DHX34: variants seen among roughly 807,000 people sequenced by gnomAD.
DHX34 encodes DExH-box helicase 34.
A neutral mutation model predicts 111.1 loss-of-function variants in DHX34; 96 were observed. That is an observed-to-expected ratio of 0.86 (90% confidence interval 0.73 to 1.02). DHX34 has a LOEUF of 1.02. DHX34 is among the 50% of genes least tolerant of loss of function. The probability of loss-of-function intolerance (pLI) is 0.00; values close to 1 mark genes in which losing one functional copy is unlikely to be tolerated. For missense variants in DHX34, 1,560 were observed against 1,579.9 expected, an observed-to-expected ratio of 0.99 and a Z score of 0.21; for synonymous variants, 688 against 670.4, an observed-to-expected ratio of 1.03 and a Z score of -0.41.
chr19:47,377,798 G>C, intron 13 of DHX34, among the ~76,000 whole-genome samples: 1 of 152,096 alleles, frequency 6.6e-6, no homozygotes, highest in South Asian at 2.1e-4. Flanking sequence ...AGGGCTGGCA[G>C]CTGCCAGGAG....
Position 47,362,361 on chromosome 19 carries a change from C to T in DHX34, c.1376-115C>T, listed in dbSNP as rs1324750660. On this transcript the variant is annotated intron_variant, in intron 5 of 16. Coordinates refer to ENST00000328771, the MANE Select transcript of DHX34 (RefSeq NM_014681.6). Reference sequence around the variant, plus strand: ...GGGCCCAGAATAAGCCCTCAGTTAGCATTAACAGAATAAAGGAGTAAGTGA... The same window carrying T: ...GGGCCCAGAATAAGCCCTCAGTTAGTATTAACAGAATAAAGGAGTAAGTGA... The T allele has an allele frequency of 2.3e-6, 3 of 1,329,046 alleles. No homozygotes were observed. In the African/African-American group the frequency reaches 4.6e-5, roughly 21 times the overall value. 82.3% of individuals were successfully genotyped at this position (1,329,046 alleles called of 1,614,324 possible).
Position 47,353,223 on chromosome 19 carries a change from G to A in DHX34, c.193G>A (p.Glu65Lys). ...ATGTCAGAAGTTTTGGACCTTCTTT[G>A]AACGCCTGCAGAGATTCCAGAATCT... ...EECQKFWTFF[E>K]RLQRFQNLKT... is the part of the protein sequence containing the mutation. Residue 65 changes from glutamate (E) to lysine (K), a missense_variant, in exon 2 of 17, where the codon GAA becomes AAA. Physicochemically the swap from Glu to Lys is moderately conservative, Grantham distance 56. Coordinates refer to ENST00000328771, the MANE Select transcript of DHX34 (RefSeq NM_014681.6). This position sits in a 1 kb window ranked among gnomAD's most constrained non-coding sequence, Gnocchi z 4.6. The A allele has an allele frequency of 6.2e-7, 1 of 1,614,144 alleles. No homozygotes were observed. Among genetic ancestry groups the A allele is most frequent in the African/African-American group, 1.3e-5 (1 of 75,016 alleles).
chr19:47,356,414 G>A (rs774576019), intron 3 of DHX34, among the ~76,000 whole-genome samples: 3 of 151,938 alleles, frequency 2.0e-5, no homozygotes, highest in Non-Finnish European at 2.9e-5. Context: ...GAAAGATCAC[G>A]AGGTCAGGAG....
At chr19:47,354,056 G>T (rs547292376) in intron 2 of DHX34, among the ~76,000 whole-genome samples, 7 of 152,092 alleles carry the variant, frequency 4.6e-5, no homozygotes, top group African/African-American at 1.4e-4. Context: ...TCTGCCTCCC[G>T]GGTTCAAGCA....
chr19:47,379,559 G>A, intron 13 of DHX34, 151 bp from the exon 14 acceptor site: 1 of 1,460,502 alleles, frequency 6.8e-7, no homozygotes, highest in East Asian at 2.4e-5. Context: ...CACCCGAAGG[G>A]GTGCCTGGTA....
rs775872886 is a variant in DHX34 at position 47,381,285 on chromosome 19, G to A, written c.3259G>A (p.Glu1087Lys). The change falls in exon 16 of 17, where the codon GAG becomes AAG. Residue 1087 changes from glutamate (E) to lysine (K), a missense_variant. Transcript: ENST00000328771. ...PLTPLERIAH[E>K]NTCPQAPQDG... ...CACGCCCCTGGAGCGCATCGCCCAT[G>A]AGAACACCTGCCCCCAGGCCCCACA... 1.2e-6 allele frequency: 2 copies of A among 1,613,920 alleles called. No homozygotes were observed. The highest frequency in any genetic ancestry group is 4.5e-5 in the East Asian group (2 of 44,878).
At chr19:47,371,645 G>A (rs1472867677) in intron 7 of DHX34, among the ~76,000 whole-genome samples, 1 of 152,172 alleles carries the variant, frequency 6.6e-6, no homozygotes, top group Non-Finnish European at 1.5e-5. Context: ...GTTCACTCAG[G>A]CTAGAGTGTA....
chr19:47,361,650 G>C (rs146759922), intron 5 of DHX34, among the ~76,000 whole-genome samples: 8 of 151,852 alleles, frequency 5.3e-5, no homozygotes, highest in Non-Finnish European at 1.5e-5. Context: ...ATGGTGGCGG[G>C]TTCCTGTAAT....
At chr19:47,380,785 C>G (rs1970327075) in intron 14 of DHX34, 31 bp from the exon 15 acceptor site, 4 of 1,612,606 alleles carry the variant, frequency 2.5e-6, no homozygotes, top group African/African-American at 2.7e-5. Context: ...CTGAGTCTGT[C>G]TCTCTCCATT....
chr19:47,365,800 C>T (rs1969771962), intron 6 of DHX34, among the ~76,000 whole-genome samples: 1 of 152,196 alleles, frequency 6.6e-6, no homozygotes, highest in Admixed American at 6.6e-5. Flanking sequence ...CCACGCCAGA[C>T]CCCGGGGTGG....
chr19:47,380,726 A>C (rs928586228), intron 14 of DHX34, 90 bp from the exon 15 acceptor site: 20 of 1,568,300 alleles, frequency 1.3e-5, no homozygotes, highest in Non-Finnish European at 1.7e-5. Context: ...GCAAAGCCCG[A>C]GGGAGGGCTT....
chr19:47,382,298 C>T lies in DHX34; in HGVS notation c.*185C>T, dbSNP rs995278929. 1.9e-6 allele frequency: 2 copies of T among 1,079,978 alleles called. No individual in the cohort carries two copies. Among genetic ancestry groups the T allele is most frequent in the Non-Finnish European group, 1.3e-6 (1 of 789,336 alleles). The allele number at this position is 1,079,978 out of a possible 1,614,324, so 66.9% of individuals were successfully genotyped here. Reference sequence around the variant, plus strand: ...GCTGATACACACTGTTAGGCCTGCACCTGCCCATCCAGAAAGCAGCAGCTG... The same window carrying T: ...GCTGATACACACTGTTAGGCCTGCATCTGCCCATCCAGAAAGCAGCAGCTG... On this transcript the variant is annotated 3_prime_UTR_variant, in exon 17 of 17. Transcript: ENST00000328771.
intron 13 of DHX34, among the ~76,000 whole-genome samples, chr19:47,377,879 G>A (rs959114707): frequency 4.0e-5 from 6 of 151,828 alleles, no homozygotes; most frequent in Non-Finnish European, 5.9e-5. Flanking sequence ...CATGGGCACC[G>A]GCAGCAGAGC....
At chr19:47,376,205 C>T (rs932428081) in intron 11 of DHX34, 108 bp downstream of exon 11, 2 of 1,464,560 alleles carry the variant, frequency 1.4e-6, no homozygotes, top group South Asian at 1.4e-5. Context: ...CTGGTTCTGT[C>T]CCCATGGGGC....
chr19:47,380,283 TGA>T (rs1970311696), intron 14 of DHX34, among the ~76,000 whole-genome samples: 1 of 151,886 alleles, frequency 6.6e-6, no homozygotes, highest in Non-Finnish European at 1.5e-5. Context: ...AGGCAGGGTG[TGA>T]GAGGGAAGCC....
Position 47,376,066 on chromosome 19 carries a change from C to A in DHX34, c.2450C>A (p.Ala817Asp), listed in dbSNP as rs1006524348. 1 of 1,574,908 alleles carries A rather than the reference C, an allele frequency of 6.3e-7. No individual in the cohort carries two copies. Among genetic ancestry groups the A allele is most frequent in the Non-Finnish European group, 8.6e-7 (1 of 1,163,440 alleles). Residue 817 changes from alanine (A) to aspartate (D), a missense_variant, in exon 11 of 17, where the codon GCC becomes GAC. Coordinates refer to ENST00000328771, the MANE Select transcript of DHX34 (RefSeq NM_014681.6). Reference sequence around the variant, plus strand: ...TACCCACAGCTGGCCGTCCCCGACGCCTTCAACAGCAGCCGAAAGGACTCA... The same window carrying A: ...TACCCACAGCTGGCCGTCCCCGACGACTTCAACAGCAGCCGAAAGGACTCA... Reference protein sequence around the residue: ...GLYPQLAVPDAFNSSRKDSDQ... With the variant: ...GLYPQLAVPDDFNSSRKDSDQ...
At chr19:47,376,228 G>A in intron 11 of DHX34, 131 bp downstream of exon 11, 1 of 1,436,284 alleles carries the variant, frequency 7.0e-7, no homozygotes, top group Non-Finnish European at 9.2e-7. Flanking sequence ...ACAACCCAGT[G>A]GGAGGACAGA....
intron 5 of DHX34, among the ~76,000 whole-genome samples, chr19:47,362,185 G>A (rs1246366448): frequency 2.1e-5 from 3 of 143,934 alleles, no homozygotes; most frequent in African/African-American, 5.3e-5. Context: ...TAGGATCATC[G>A]CTTGAGCCTG....
At position 47,357,874 on chromosome 19, in the gene DHX34, C is replaced by T. The variant is rs751803740; in HGVS notation, c.1026C>T (p.Tyr342=). 1 of 1,612,726 alleles carries T rather than the reference C, an allele frequency of 6.2e-7. No homozygotes were observed. The highest frequency in any genetic ancestry group is 8.5e-7 in the Non-Finnish European group (1 of 1,179,244). The change falls in exon 4 of 17, where the codon TAC becomes TAT. Residue 342 remains tyrosine, a synonymous_variant. Transcript: ENST00000328771. ...GGGCTGTCTCCTCTCAGGTTGTGTA[C>T]CAGCCGCAGGAGGCGGAGCCGACCA... is the stretch of plus-strand genomic sequence containing the variant. ...PGRLFPITVV[Y]QPQEAEPTTS...
Sources: gnomAD v4.1 joint callset for allele counts (sites outside exome capture counted in the v4.1 genomes callset) on GRCh38, gnomAD v4.1.1 for gene constraint, Gnocchi (gnomAD v3.1) non-coding constraint, MANE v1.5 for transcripts, NCBI Gene and HGNC (gene_info 2026-07-23, HGNC 2026-07-21) for gene names.